CELA3A: variants seen among roughly 807,000 people sequenced by gnomAD.
CELA3A encodes the protein chymotrypsin like elastase 3A, also known as chymotrypsin-like elastase family member 3A.
CELA3A carries 35 observed loss-of-function variants against 38.6 expected under a neutral mutation model. The observed-to-expected ratio is 0.91, with a 90% CI of 0.69 to 1.20. The LOEUF (loss-of-function observed/expected upper bound fraction) is 1.20, where lower values mean the gene tolerates loss of function less well. CELA3A is among the 50% of genes most tolerant of loss of function. CELA3A has a pLI of 0.00. For synonymous variants in CELA3A, 143 were observed against 136.7 expected, an observed-to-expected ratio of 1.05 and a Z score of -0.32; for missense variants, 343 against 354.2, an observed-to-expected ratio of 0.97 and a Z score of 0.25.
chr1:22,007,888 C>A (rs11589764), intron 6 of CELA3A, among the ~76,000 whole-genome samples: 116,757 of 150,802 alleles, frequency 0.77, 47,385 homozygotes, highest in Non-Finnish European at 0.89. Flanking sequence ...ACAGTCCCTC[C>A]TGCCTATAAT....
At chr1:22,009,683 C>G (rs1644971958) in intron 6 of CELA3A, 22 bp from the exon 7 acceptor site, 1 of 1,605,570 alleles carries the variant, frequency 6.2e-7, no homozygotes, top group Admixed American at 1.7e-5. Context: ...CTCAGCCACC[C>G]ACTCCTCTCT....
intron 2 of CELA3A, among the ~76,000 whole-genome samples, chr1:22,004,462 G>T (rs1161726524): frequency 6.6e-6 from 1 of 150,746 alleles, no homozygotes; most frequent in East Asian, 2.0e-4. Context: ...CCATGATTAT[G>T]GGAAGTTTTA....
chr1:22,001,660 A>G lies in CELA3A; in HGVS notation c.-15A>G, dbSNP rs1569862847. Reference sequence around the variant, plus strand: ...GCCCCAGGCTCTGTGCCCTTTTCCTATCATCACAAAACTCATGATGCTCCG... The same window carrying G: ...GCCCCAGGCTCTGTGCCCTTTTCCTGTCATCACAAAACTCATGATGCTCCG... On this transcript the variant is annotated 5_prime_UTR_variant, in exon 1 of 8. Transcript: ENST00000290122. 2 of 1,611,546 alleles carry G rather than the reference A, an allele frequency of 1.2e-6. No homozygotes were observed. The highest frequency in any genetic ancestry group is 1.7e-6 in the Non-Finnish European group (2 of 1,179,204).
At position 22,007,465 on chromosome 1, in the gene CELA3A, G is replaced by C. The variant is rs761114117; in HGVS notation, c.592G>C (p.Val198Leu). 3.2e-5 allele frequency: 51 copies of C among 1,612,464 alleles called. 1 individual carries two copies. The highest frequency in any genetic ancestry group is 4.1e-5 in the Non-Finnish European group (48 of 1,179,418). ...CAGGTGGAACTGGTGGGGTTCCACC[G>C]TGAAGAAAACCATGGTGTGTGCTGG... The part of the protein sequence containing the change: ...CSRWNWWGST[V>L]KKTMVCAGGY... Residue 198 changes from valine to leucine, a missense_variant, in exon 6 of 8, where the codon GTG becomes CTG. Transcript: ENST00000290122.
rs368103436 is a variant in CELA3A at position 22,009,900 on chromosome 1, T to C, written c.795+43T>C. 5 of 1,585,168 alleles carry C rather than the reference T, an allele frequency of 3.2e-6. No homozygotes were observed. In the African/African-American group the frequency reaches 5.5e-5, roughly 17 times the overall value. ...GCCCGGAGGGCTTTAGGGTGGTGGC[T>C]CTTCTGAGAGGTGACAGGTGAGAAA... On this transcript the variant is annotated intron_variant, in intron 7 of 7. Transcript: ENST00000290122.
In CELA3A at chr1:22,006,810, C is replaced by A. The variant is rs1231324745; in HGVS notation, c.363-68C>A. Reference sequence around the variant, plus strand: ...ATCTCAGAGGTGGAATAGCCTGGAGCAACGGCTAGAAGGTAGGACTTGGGC... The same window carrying A: ...ATCTCAGAGGTGGAATAGCCTGGAGAAACGGCTAGAAGGTAGGACTTGGGC... On this transcript the variant is annotated intron_variant, in intron 4 of 7. Transcript: ENST00000290122. 132 of 1,575,804 alleles carry A rather than the reference C, an allele frequency of 8.4e-5. 4 individuals are homozygous for A. The highest frequency in any genetic ancestry group is 1.1e-4 in the Non-Finnish European group (129 of 1,158,502).
chr1:22,003,435 T>C (rs1489861982), intron 2 of CELA3A, among the ~76,000 whole-genome samples: 1 of 151,046 alleles, frequency 6.6e-6, no homozygotes, highest in Non-Finnish European at 1.5e-5. Context: ...CTTTGAGGTC[T>C]GAAAGCAATA....
At chr1:22,002,656 T>C in intron 1 of CELA3A, 1 of 425,948 alleles carries the variant, frequency 2.3e-6, no homozygotes, top group Non-Finnish European at 4.6e-6. Context: ...AGCTGCACTT[T>C]GAACCCAGGA....
intron 3 of CELA3A, 32 bp downstream of exon 3, chr1:22,005,576 C>T (rs375394960): frequency 1.2e-6 from 2 of 1,612,338 alleles, no homozygotes; most frequent in African/African-American, 2.7e-5. Context: ...TGCCTGTGGC[C>T]CTGGGCAGCG....
chr1:22,007,378 G>A lies in CELA3A; in HGVS notation c.505G>A (p.Gly169Arg), dbSNP rs1200545592. 1 of 1,610,070 alleles carries A rather than the reference G, an allele frequency of 6.2e-7. No homozygotes were observed. The highest frequency in any genetic ancestry group is 1.7e-5 in the Admixed American group (1 of 59,538). ...ITGWGRLYTN[G>R]PLPDKLQQAR... ...GGTGCTTTTTATCCTTGCAGCCAAT[G>A]GGCCACTCCCAGACAAGCTGCAGCA... The change falls in exon 6 of 8, where the codon GGG (glycine) becomes AGG (arginine). Residue 169 changes from glycine (G) to arginine (R), a missense_variant. By Grantham distance (125) the Gly-to-Arg change is moderately radical. Coordinates refer to ENST00000290122, the MANE Select transcript of CELA3A (RefSeq NM_005747.5).
At chr1:22,003,385 G>A (rs57573643) in intron 2 of CELA3A, among the ~76,000 whole-genome samples, 30,901 of 150,926 alleles carry the variant, frequency 0.2, 4,571 homozygotes, top group East Asian at 0.39. Flanking sequence ...GTGAGATTTT[G>A]AGAGACTCAT....
Position 22,005,439 on chromosome 1 carries a change from G to A in CELA3A, c.130-8G>A, listed in dbSNP as rs1248644000. The A allele has an allele frequency of 1.9e-6, 3 of 1,612,014 alleles. No individual in the cohort carries two copies. The stretch of plus-strand genomic sequence containing the variant: ...GCCCACTGAGGCCCTTTCCTCCTGG[G>A]CCACCAGGTTTCCCTGCAGTATGAG... On this transcript the variant is annotated splice_polypyrimidine_tract_variant and splice_region_variant and intron_variant, in intron 2 of 7. Transcript: ENST00000290122.
rs762666206 is a variant in CELA3A at position 22,012,239 on chromosome 1, T to A, written c.796-211T>A. 1.0e-4 allele frequency among the ~76,000 whole-genome samples: 13 copies of A among 126,930 alleles called. 5 individuals are homozygous for A. Among genetic ancestry groups the A allele is most frequent in the Non-Finnish European group, 2.1e-4 (13 of 61,760 alleles). The allele number at this position is 126,930 out of a possible 152,430, so 83.3% of individuals were successfully genotyped here. A position where few individuals can be genotyped will look rare whatever the true frequency, so the allele number is the denominator to read the frequency against. On this transcript the variant is annotated intron_variant, in intron 7 of 7. Coordinates refer to ENST00000290122, the MANE Select transcript of CELA3A (RefSeq NM_005747.5). ...TCCCATCTAAATTTGTGCTGGGCAT[T>A]GTAAAGAGAACCTTAGTTAACAATT...
chr1:22,008,152 CTTT>C (rs71016968), intron 6 of CELA3A, among the ~76,000 whole-genome samples: 7 of 86,842 alleles, frequency 8.1e-5, no homozygotes, highest in South Asian at 5.0e-4. Flanking sequence ...GACGTTGTCT[CTTT>C]TTTTTTTTTT....
chr1:22,009,561 A>T (rs1036756531), intron 6 of CELA3A, 144 bp from the exon 7 acceptor site: 3 of 1,131,718 alleles, frequency 2.7e-6, no homozygotes, highest in Non-Finnish European at 3.6e-6. Context: ...AAAAAAATAA[A>T]AATAATAAAT....
rs1644986162 is a variant in CELA3A at position 22,012,041 on chromosome 1, T to C, written c.796-409T>C. ...CAGCCTGGGCAACAGAGTGAGACTC[T>C]GTCTCAAAAAAAACCAAAAAAACAA... On this transcript the variant is annotated intron_variant, in intron 7 of 7. Transcript: ENST00000290122. Among the ~76,000 whole-genome samples, 2 of 126,422 alleles carry C rather than the reference T, an allele frequency of 1.6e-5. 1 individual carries two copies. The highest frequency in any genetic ancestry group is 6.5e-5 in the African/African-American group (2 of 30,710). The allele number at this position is 126,422 out of a possible 152,430, so 82.9% of individuals were successfully genotyped here. A position where few individuals can be genotyped will look rare whatever the true frequency, so the allele number is the denominator to read the frequency against.
intron 7 of CELA3A, among the ~76,000 whole-genome samples, chr1:22,010,370 G>C (rs1220189074): frequency 6.6e-6 from 1 of 151,266 alleles, no homozygotes; most frequent in Non-Finnish European, 1.5e-5. Flanking sequence ...TGTAATCCCA[G>C]CACTTTGGGA....
intron 6 of CELA3A, among the ~76,000 whole-genome samples, chr1:22,008,495 C>T (rs1398568540): frequency 1.3e-5 from 2 of 150,948 alleles, no homozygotes; most frequent in Non-Finnish European, 2.9e-5. Context: ...CGCGGTGGCT[C>T]ACGCCTGTAA....
rs17355764 is a variant in CELA3A, at chr1:22,001,685, G to A, written c.11G>A (p.Arg4Gln). 264 of 1,611,992 alleles carry A rather than the reference G, an allele frequency of 1.6e-4. 7 individuals carry two copies. Among genetic ancestry groups the A allele is most frequent in the Middle Eastern group, 5.0e-4 (3 of 6,058 alleles). ...ATCATCACAAAACTCATGATGCTCC[G>A]GCTGCTCAGTTCCCTCCTCCTTGTG... MML[R>Q]LLSSLLLVAV... The change falls in exon 1 of 8, where the codon CGG becomes CAG. Residue 4 changes from arginine to glutamine, a missense_variant. Coordinates refer to ENST00000290122, the MANE Select transcript of CELA3A (RefSeq NM_005747.5).
Sources: allele counts gnomAD v4.1 joint callset (sites outside exome capture counted in the v4.1 genomes callset), GRCh38; gene constraint gnomAD v4.1.1; transcripts MANE v1.5; gene names NCBI Gene and HGNC (gene_info 2026-07-23, HGNC 2026-07-21).